Variants in MORN1 observed in about 807,000 individuals in gnomAD.
MORN1 encodes MORN repeat containing 1, also known as MORN repeat-containing protein 1.
MORN1 carries 67 observed loss-of-function variants against 61.9 expected under a neutral mutation model. The ratio of observed to expected loss-of-function variants is 1.08; its 90% confidence interval spans 0.89 to 1.33. The LOEUF (loss-of-function observed/expected upper bound fraction) is 1.33, where lower values mean the gene tolerates loss of function less well. Ranked by LOEUF, MORN1 falls within the 40% of genes most tolerant of loss-of-function variation. The pLI, the probability that MORN1 is intolerant of heterozygous loss-of-function variation, is 0.00. For synonymous variants in MORN1, 301 were observed against 292.0 expected (o/e 1.03, Z -0.31); for missense variants, 752 against 691.2 (o/e 1.09, Z -0.99).
rs771112231 is a variant in MORN1, at chr1:2,321,580, C to T, written c.1298-1G>A. On this transcript the variant is annotated splice_acceptor_variant, in intron 13 of 13. Transcript: ENST00000378531. LOFTEE classifies it high-confidence loss of function. The stretch of plus-strand genomic sequence containing the variant: ...TCGCGGATCATGAGCACGTACTCCC[C>T]TGCAAGGGGCGGGTGGGCTGGTCCT... 10 of 1,487,428 alleles carry T rather than the reference C, an allele frequency of 6.7e-6. No individual in the cohort carries two copies. Among genetic ancestry groups the T allele is most frequent in the Admixed American group, 4.7e-5 (2 of 42,828 alleles). The allele number at this position is 1,487,428 out of a possible 1,614,324, so 92.1% of individuals were successfully genotyped here.
intron 13 of MORN1, chr1:2,322,170 A>G (rs1295550057): frequency 4.1e-6 from 4 of 985,304 alleles, no homozygotes; most frequent in African/African-American, 3.5e-5. Context: ...TTCCTTTCAC[A>G]GTCTGTAAAC....
At chr1:2,360,517 C>A (rs1399664921) in intron 8 of MORN1, among the ~76,000 whole-genome samples, 1 of 152,152 alleles carries the variant, frequency 6.6e-6, no homozygotes, top group Non-Finnish European at 1.5e-5. Flanking sequence ...TGAGGCAGAG[C>A]CCAACAAACC....
At chr1:2,322,271 T>C in intron 13 of MORN1, 1 of 985,348 alleles carries the variant, frequency 1.0e-6, no homozygotes, top group Non-Finnish European at 1.2e-6. Context: ...TCCTCTCCCC[T>C]CCCCTGAGCC....
chr1:2,355,261 C>T, intron 10 of MORN1: 1 of 1,425,106 alleles, frequency 7.0e-7, no homozygotes, highest in Non-Finnish European at 9.2e-7. Flanking sequence ...TGAAGGCAGA[C>T]AAGGGGGCGC....
chr1:2,322,028 C>G, intron 13 of MORN1: 2 of 985,382 alleles, frequency 2.0e-6, no homozygotes, highest in Non-Finnish European at 2.4e-6. Context: ...AACGAACCCT[C>G]TGAAGGCTGG....
intron 12 of MORN1, among the ~76,000 whole-genome samples, chr1:2,328,932 G>A (rs557265238): frequency 5.9e-5 from 9 of 152,338 alleles, no homozygotes; most frequent in African/African-American, 1.7e-4. Flanking sequence ...CTCTGCACCC[G>A]CAGGCATCTG....
intron 1 of MORN1, chr1:2,390,428 G>A: frequency 1.0e-6 from 1 of 985,386 alleles, no homozygotes; most frequent in Non-Finnish European, 1.2e-6. Flanking sequence ...GCCCTTCAGT[G>A]GCCTCCTATC....
At chr1:2,354,424 G>A (rs765535572) in intron 10 of MORN1, among the ~76,000 whole-genome samples, 25 of 152,124 alleles carry the variant, frequency 1.6e-4, no homozygotes, top group Non-Finnish European at 3.2e-4. Context: ...AATATTAGCC[G>A]GGCACGGTGG....
chr1:2,322,483 C>G, intron 13 of MORN1: 1 of 985,340 alleles, frequency 1.0e-6, no homozygotes, highest in Non-Finnish European at 1.2e-6. Flanking sequence ...GCCGCCTGTG[C>G]GTTCCCAGGG....
At position 2,337,544 on chromosome 1, in the gene MORN1, G is replaced by A. The variant is rs1296309203; in HGVS notation, c.1037-694C>T. ...GGGGCTCCCCTCTGGCTTCCCCCAC[G>A]CACAGATGGAGCTGCAGCCCCCAGG... On this transcript the variant is annotated intron_variant, in intron 10 of 13. Transcript: ENST00000378531. This position sits in a 1 kb window ranked among gnomAD's most constrained non-coding sequence, Gnocchi z 5.7. Among the ~76,000 whole-genome samples, 2 of 152,148 alleles carry A rather than the reference G, an allele frequency of 1.3e-5. No individual in the cohort carries two copies. The highest frequency in any genetic ancestry group is 2.1e-4 in the South Asian group (1 of 4,828).
At chr1:2,361,133 GA>G (rs1360845736) in intron 8 of MORN1, among the ~76,000 whole-genome samples, 2 of 152,194 alleles carry the variant, frequency 1.3e-5, no homozygotes, top group East Asian at 3.8e-4. Context: ...ATAACAAGGA[GA>G]AAAATCCATC....
Position 2,372,263 on chromosome 1 carries a change from C to T in MORN1, c.745+218G>A. 1.9e-6 allele frequency: 1 copy of T among 537,586 alleles called. No homozygotes were observed. Among genetic ancestry groups the T allele is most frequent in the Non-Finnish European group, 3.4e-6 (1 of 296,106 alleles). 33.3% of individuals were successfully genotyped at this position (537,586 alleles called of 1,614,324 possible). ...CACACATACAGGAGCACGCACATCA[C>T]ACAATATGTGCACACATGCTTGCAC... On this transcript the variant is annotated intron_variant, in intron 8 of 13. Transcript: ENST00000378531. This position sits in a 1 kb window ranked among gnomAD's most constrained non-coding sequence, Gnocchi z 5.4.
intron 13 of MORN1, chr1:2,323,599 G>C (rs554583225): frequency 1.0e-6 from 1 of 985,302 alleles, no homozygotes; most frequent in African/African-American, 1.7e-5. Context: ...ACGGCTGAGG[G>C]TCTGCACCTG....
chr1:2,336,702 C>T lies in MORN1; in HGVS notation c.1170+15G>A, dbSNP rs746981369. The T allele has an allele frequency of 6.5e-7, 1 of 1,547,622 alleles. No homozygotes were observed. The highest frequency in any genetic ancestry group is 8.7e-7 in the Non-Finnish European group (1 of 1,144,418). ...GTGATGTGGGGTGGCCTCCCCGCCC[C>T]CCGTGGGCACCCACCTTGTGGAGGC... On this transcript the variant is annotated intron_variant, in intron 11 of 13. Transcript: ENST00000378531.
intron 13 of MORN1, chr1:2,322,220 A>G: frequency 1.0e-6 from 1 of 985,418 alleles, no homozygotes; most frequent in Non-Finnish European, 1.2e-6. Context: ...CATAAAAAAG[A>G]AAATAAGAAA....
rs572836220 is a variant in MORN1 at position 2,356,029 on chromosome 1, G to A, written c.1036+1403C>T. Among the ~76,000 whole-genome samples, 133 of 152,324 alleles carry A rather than the reference G, an allele frequency of 8.7e-4. 1 individual carries two copies. The highest frequency in any genetic ancestry group is 2.9e-3 in the African/African-American group (119 of 41,580). On this transcript the variant is annotated intron_variant, in intron 10 of 13. Transcript: ENST00000378531. ...CCTGCCTGCTTGCCCCAGGGGCCTG[G>A]AGGGTTGGAGTTGGGGGATCACCCC...
chr1:2,336,892 G>A (rs767476603), intron 10 of MORN1, 42 bp from the exon 11 acceptor site: 1 of 1,498,738 alleles, frequency 6.7e-7, no homozygotes, highest in South Asian at 1.4e-5. Context: ...AGGGGCTCAG[G>A]GCGGAGACGG....
chr1:2,336,981 G>C (rs1234567629), intron 10 of MORN1, 131 bp from the exon 11 acceptor site: 1 of 1,081,024 alleles, frequency 9.3e-7, no homozygotes, highest in East Asian at 3.1e-5. Flanking sequence ...ATGCCATCTT[G>C]GTGGGGGCAG....
rs868112482 is a variant in MORN1, at chr1:2,338,993, G to A, written c.1037-2143C>T. Among the ~76,000 whole-genome samples the A allele has an allele frequency of 2.0e-5, 3 of 152,146 alleles. No homozygotes were observed. The South Asian group carries it at 6.2e-4, about 32-fold the overall frequency. On this transcript the variant is annotated intron_variant, in intron 10 of 13. Transcript: ENST00000378531. ...GCAGGAAGAGGACAGAGGACACCAG[G>A]GCCTATAAAGCCGGGTTCCTTGAGC... is the stretch of plus-strand genomic sequence containing the variant.
Sources: allele counts gnomAD v4.1 joint callset (sites outside exome capture counted in the v4.1 genomes callset), GRCh38; gene constraint gnomAD v4.1.1; non-coding constraint Gnocchi (gnomAD v3.1); transcripts MANE v1.5; gene names NCBI Gene and HGNC (gene_info 2026-07-23, HGNC 2026-07-21).